Variants in TMEM63B observed in about 807,000 individuals in gnomAD.
TMEM63B encodes the protein mechanosensitive cation channel TMEM63B.
TMEM63B carries 23 observed loss-of-function variants against 102.6 expected under a neutral mutation model. The ratio of observed to expected loss-of-function variants is 0.22; its 90% CI spans 0.16 to 0.32. The LOEUF (loss-of-function observed/expected upper bound fraction) is 0.32, where lower values mean the gene tolerates loss of function less well. Among genes scored for constraint, TMEM63B ranks in the 10% least tolerant of loss-of-function variants. The pLI is 1.00. For synonymous variants in TMEM63B, 444 were observed against 437.0 expected, an observed-to-expected ratio of 1.02 and a Z score of -0.20; for missense variants, 628 against 1,095.9, an observed-to-expected ratio of 0.57 and a Z score of 6.03.
chr6:44,138,673 T>A (rs1763502666), intron 6 of TMEM63B, 156 bp downstream of exon 6: 7 of 781,086 alleles, frequency 9.0e-6, no homozygotes, highest in Non-Finnish European at 1.3e-5. Context: ...CTCGGGTGCC[T>A]GAGCCTCTGC....
chr6:44,133,557 G>A (rs1015481400), intron 1 of TMEM63B, among the ~76,000 whole-genome samples: 10 of 152,298 alleles, frequency 6.6e-5, no homozygotes, highest in East Asian at 5.8e-4. Context: ...ACACTTCTCC[G>A]CTATCCTGGG....
At chr6:44,140,532 CATCTGTAAA>C (rs1441094898) in intron 9 of TMEM63B, 172 bp downstream of exon 9, 1 of 694,730 alleles carries the variant, frequency 1.4e-6, no homozygotes, top group East Asian at 2.7e-5. Context: ...ATGATTTTCT[CATCTGTAAA>C]ATGGAATAAC....
intron 9 of TMEM63B, 132 bp downstream of exon 9, chr6:44,140,492 C>G (rs1316236154): frequency 1.3e-6 from 1 of 742,640 alleles, no homozygotes; most frequent in South Asian, 1.5e-5. Context: ...CAGGAGCTCC[C>G]ATCCTGCAAG....
intron 5 of TMEM63B, among the ~76,000 whole-genome samples, chr6:44,137,754 A>C (rs1442461570): frequency 6.6e-6 from 1 of 150,960 alleles, no homozygotes; most frequent in Non-Finnish European, 1.5e-5. Context: ...GCTAGGGTGC[A>C]GTGGTGTGAT....
chr6:44,152,751 C>T lies in TMEM63B; in HGVS notation c.1942+53C>T, dbSNP rs1767016401. 1.4e-6 allele frequency: 2 copies of T among 1,444,722 alleles called. No homozygotes were observed. The highest frequency in any genetic ancestry group is 1.9e-6 in the Non-Finnish European group (2 of 1,040,982). The allele number at this position is 1,444,722 out of a possible 1,614,324, so 89.5% of individuals were successfully genotyped here. On this transcript the variant is annotated intron_variant, in intron 20 of 23. Transcript: ENST00000323267. This position sits in a 1 kb window ranked among gnomAD's most constrained non-coding sequence, Gnocchi z 6.4. The stretch of plus-strand genomic sequence containing the variant: ...CCCTGCTCGGGGGGACCCAGGACTT[C>T]ACCCTCTCCACTCTAGGAATGCAGG...
At chr6:44,138,366 G>C in intron 5 of TMEM63B, 114 bp from the exon 6 acceptor site, 2 of 1,305,228 alleles carry the variant, frequency 1.5e-6, no homozygotes, top group Non-Finnish European at 2.2e-6. Flanking sequence ...TTTTTAGTGA[G>C]GGGTGTGGAA....
chr6:44,152,589 C>T lies in TMEM63B; in HGVS notation c.1837-4C>T, dbSNP rs746658272. On this transcript the variant is annotated splice_polypyrimidine_tract_variant and splice_region_variant and intron_variant, in intron 19 of 23. Transcript: ENST00000323267. This position sits in a 1 kb window ranked among gnomAD's most constrained non-coding sequence, Gnocchi z 6.4. Reference sequence around the variant, plus strand: ...AGCCATCCTCCTGCCCGTCTCCCCCCCAGCATCAGGCCTACGAGTTCCAGT... The same window carrying T: ...AGCCATCCTCCTGCCCGTCTCCCCCTCAGCATCAGGCCTACGAGTTCCAGT... 1 of 1,607,626 alleles carries T rather than the reference C, an allele frequency of 6.2e-7. No homozygotes were observed. Among genetic ancestry groups the T allele is most frequent in the South Asian group, 1.1e-5 (1 of 91,058 alleles).
chr6:44,150,649 A>T lies in TMEM63B; in HGVS notation c.1673+20A>T. On this transcript the variant is annotated intron_variant, in intron 18 of 23. Transcript: ENST00000323267. The surrounding 1 kb of genome is among the most constrained non-coding windows in gnomAD (Gnocchi z 4.7). ...GTTTGAGTGAGTGACTGGGGCCCCT[A>T]GGGAAAGAGACCAGACAGCAGGGGT... The T allele has an allele frequency of 6.2e-7, 1 of 1,612,976 alleles. No homozygotes were observed.
chr6:44,147,369 T>A lies in TMEM63B; in HGVS notation c.864-8T>A, dbSNP rs1765637981. ...AGATGTAGGTGACCAGGCATCTGGG[T>A]CCCACAGGAAGAAGGCCGAGCGGGG... is the stretch of plus-strand genomic sequence containing the variant. On this transcript the variant is annotated splice_polypyrimidine_tract_variant and splice_region_variant and intron_variant, in intron 11 of 23. Transcript: ENST00000323267. 1 of 1,613,998 alleles carries A rather than the reference T, an allele frequency of 6.2e-7. No homozygotes were observed. The highest frequency in any genetic ancestry group is 1.3e-5 in the African/African-American group (1 of 74,970).
chr6:44,137,663 TA>T (rs1370009174), intron 5 of TMEM63B, among the ~76,000 whole-genome samples: 3 of 151,988 alleles, frequency 2.0e-5, no homozygotes, highest in Non-Finnish European at 2.9e-5. Flanking sequence ...TCTCTGCCTT[TA>T]CATGCCTGGA....
Position 44,153,767 on chromosome 6 carries a change from G to C in TMEM63B, c.2034G>C (p.Ser678=). ...LPAKLDKKIH[S]GAVNQVVAAP... ...CCAAGCTGGACAAGAAGATCCACTC[G>C]GGGGCTGTGAACCAGGTGGTGGCCG... The change falls in exon 21 of 24, where the codon TCG becomes TCC. Residue 678 remains serine (S), a synonymous_variant. Transcript: ENST00000323267. The C allele has an allele frequency of 6.2e-7, 1 of 1,614,132 alleles. No individual in the cohort carries two copies. The highest frequency in any genetic ancestry group is 8.5e-7 in the Non-Finnish European group (1 of 1,180,018).
At chr6:44,137,121 T>C (rs997605065) in intron 5 of TMEM63B, among the ~76,000 whole-genome samples, 2 of 152,144 alleles carry the variant, frequency 1.3e-5, no homozygotes, top group African/African-American at 4.8e-5. Context: ...TGCTCGGAGG[T>C]TGCAGGTGGG....
At chr6:44,133,571 C>T (rs1376847982) in intron 1 of TMEM63B, among the ~76,000 whole-genome samples, 3 of 152,324 alleles carry the variant, frequency 2.0e-5, no homozygotes, top group South Asian at 4.1e-4. Context: ...TCCTGGGATC[C>T]TCCCCAGGGC....
chr6:44,140,177 C>T (rs1763944305), intron 8 of TMEM63B, 75 bp from the exon 9 acceptor site: 1 of 1,212,178 alleles, frequency 8.2e-7, no homozygotes, highest in Admixed American at 1.8e-5. Context: ...GGGTTTAACA[C>T]TGACAGGCTG....
At chr6:44,140,149 G>A in intron 8 of TMEM63B, 103 bp from the exon 9 acceptor site, 1 of 892,354 alleles carries the variant, frequency 1.1e-6, no homozygotes, top group Non-Finnish European at 1.8e-6. Flanking sequence ...TGGCAGTAGA[G>A]GGCCCTGTCT....
chr6:44,154,495 A>C (rs762033871), intron 23 of TMEM63B, 50 bp downstream of exon 23: 1 of 1,606,266 alleles, frequency 6.2e-7, no homozygotes, highest in East Asian at 2.2e-5. Flanking sequence ...TCAGCCTCAA[A>C]GCCCAGTGTT....
intron 10 of TMEM63B, 25 bp from the exon 11 acceptor site, chr6:44,146,822 A>G: frequency 6.2e-7 from 1 of 1,613,324 alleles, no homozygotes; most frequent in Non-Finnish European, 8.5e-7. Flanking sequence ...TCCCTGCACA[A>G]GATGATACAT....
At position 44,129,384 on chromosome 6, in the gene TMEM63B, A is replaced by G. The variant is rs530322810; in HGVS notation, c.-25+1706A>G. ...CTGTCTCAAAAAAAAAAAAAAAAAG[A>G]AAGAAAAGAAAAAGAAAAAAAGTGT... On this transcript the variant is annotated intron_variant, in intron 1 of 23. Coordinates refer to ENST00000323267, the MANE Select transcript of TMEM63B (RefSeq NM_018426.3). 3.9e-4 allele frequency among the ~76,000 whole-genome samples: 58 copies of G among 150,186 alleles called. 1 individual carries two copies. The highest frequency in any genetic ancestry group is 1.4e-3 in the African/African-American group (56 of 40,914).
intron 1 of TMEM63B, among the ~76,000 whole-genome samples, chr6:44,128,153 G>A (rs2128211259): frequency 6.6e-6 from 1 of 152,312 alleles, no homozygotes; most frequent in Admixed American, 6.5e-5. Context: ...CTGCTCCCGG[G>A]GGCGAGTACA....
Sources: allele counts gnomAD v4.1 joint callset (sites outside exome capture counted in the v4.1 genomes callset), GRCh38; gene constraint gnomAD v4.1.1; non-coding constraint Gnocchi (gnomAD v3.1); transcripts MANE v1.5; gene names NCBI Gene and HGNC (gene_info 2026-07-23, HGNC 2026-07-21).